Variants in TBC1D22B observed in about 807,000 individuals in gnomAD.
TBC1D22B encodes the protein chromosome 6 open reading frame 197.
In TBC1D22B, 32 loss-of-function variants were observed where a neutral mutation model predicts 69.1. The observed-to-expected ratio is 0.46, with a 90% confidence interval of 0.35 to 0.62. The LOEUF (loss-of-function observed/expected upper bound fraction) is 0.62. Among genes scored for constraint, TBC1D22B ranks in the 20% least tolerant of loss-of-function variants. The pLI is 0.00. For synonymous variants in TBC1D22B, 206 were observed against 229.8 expected, an observed-to-expected ratio of 0.90 and a Z score of 0.94; for missense variants, 462 against 630.9, an observed-to-expected ratio of 0.73 and a Z score of 2.87.
At chr6:37,285,967 TG>T (rs987752667) in intron 6 of TBC1D22B, among the ~76,000 whole-genome samples, 1 of 152,252 alleles carries the variant, frequency 6.6e-6, no homozygotes, top group Non-Finnish European at 1.5e-5. Context: ...AGTTCATCTC[TG>T]GTTCCCTATT....
Position 37,313,909 on chromosome 6 carries a change from A to G in TBC1D22B, c.1165+18A>G. 1.2e-6 allele frequency: 2 copies of G among 1,611,750 alleles called. No homozygotes were observed. Among genetic ancestry groups the G allele is most frequent in the Admixed American group, 3.3e-5 (2 of 60,002 alleles). On this transcript the variant is annotated intron_variant, in intron 10 of 12. Transcript: ENST00000373491. ...GATTGATGGTAGGTTCAGAGGGAGAAGAGTTCTCTAGCAATAGCAGAGTTG... is the reference window on the plus strand; with the variant it reads ...GATTGATGGTAGGTTCAGAGGGAGAGGAGTTCTCTAGCAATAGCAGAGTTG...
chr6:37,313,098 T>C, intron 9 of TBC1D22B, 74 bp downstream of exon 9: 1 of 1,201,672 alleles, frequency 8.3e-7, no homozygotes, highest in Non-Finnish European at 1.2e-6. Context: ...GTTTCTTTCT[T>C]GCTCTTCTGT....
chr6:37,313,726 T>C, intron 9 of TBC1D22B, 90 bp from the exon 10 acceptor site: 3 of 1,239,650 alleles, frequency 2.4e-6, no homozygotes, highest in East Asian at 2.3e-5. Context: ...CTTTGGAAAA[T>C]GGCCTGAACT....
chr6:37,323,542 G>A (rs1320963157), intron 12 of TBC1D22B, among the ~76,000 whole-genome samples: 1 of 152,198 alleles, frequency 6.6e-6, no homozygotes, highest in African/African-American at 2.4e-5. Context: ...AAGGGGGTCA[G>A]CTGGAAGAAA....
intron 1 of TBC1D22B, among the ~76,000 whole-genome samples, chr6:37,258,828 C>T (rs575634084): frequency 6.6e-6 from 1 of 152,002 alleles, no homozygotes; most frequent in Non-Finnish European, 1.5e-5. Context: ...GTATTTCAGT[C>T]GTAAATTTAA....
chr6:37,313,581 T>A lies in TBC1D22B; in HGVS notation c.1090-235T>A, dbSNP rs1767992194. Among the ~76,000 whole-genome samples, 14 of 152,190 alleles carry A rather than the reference T, an allele frequency of 9.2e-5. No homozygotes were observed. The South Asian group carries it at 2.9e-3, about 32-fold the overall frequency. On this transcript the variant is annotated intron_variant, in intron 9 of 12. Transcript: ENST00000373491. ...CCTTGACTTCGTCTTTGGAGTAGAC[T>A]GCTCCTTTCTGCTCTGTACCCCAAG...
intron 8 of TBC1D22B, among the ~76,000 whole-genome samples, chr6:37,299,601 C>G (rs1018317066): frequency 6.6e-6 from 1 of 152,228 alleles, no homozygotes; most frequent in African/African-American, 2.4e-5. Flanking sequence ...GGCTCACAAA[C>G]AAGTCACCAG....
chr6:37,257,833 G>C lies in TBC1D22B; in HGVS notation c.-85G>C. The C allele has an allele frequency of 6.7e-7, 1 of 1,495,454 alleles. No homozygotes were observed. The highest frequency in any genetic ancestry group is 9.1e-7 in the Non-Finnish European group (1 of 1,098,746). The allele number at this position is 1,495,454 out of a possible 1,614,324, so 92.6% of individuals were successfully genotyped here. A position where few individuals can be genotyped will look rare whatever the true frequency, so the allele number is the denominator to read the frequency against. Reference sequence around the variant, plus strand: ...TGACCGGCGGCGGGGAAGCGGCCTGGGTTGGCCCTCAGATTGCGGGGTCTG... The same window carrying C: ...TGACCGGCGGCGGGGAAGCGGCCTGCGTTGGCCCTCAGATTGCGGGGTCTG... On this transcript the variant is annotated 5_prime_UTR_variant, in exon 1 of 13. Transcript: ENST00000373491.
intron 8 of TBC1D22B, among the ~76,000 whole-genome samples, chr6:37,294,288 T>C (rs195762): frequency 0.88 from 133,337 of 152,184 alleles, 58,455 homozygotes; most frequent in South Asian, 0.92. Context: ...CTCCTGCCCC[T>C]CCGAGTAGCT....
intron 2 of TBC1D22B, among the ~76,000 whole-genome samples, chr6:37,271,212 C>G (rs1465261553): frequency 6.6e-6 from 1 of 152,106 alleles, no homozygotes; most frequent in Admixed American, 6.5e-5. Context: ...ACTCCGGAGG[C>G]TGAGGCAGGA....
intron 3 of TBC1D22B, among the ~76,000 whole-genome samples, chr6:37,280,703 G>C (rs540969674): frequency 5.5e-4 from 84 of 152,366 alleles, no homozygotes; most frequent in African/African-American, 1.7e-3. Flanking sequence ...TCTCCCTGAG[G>C]AGGTTTTCTC....
At chr6:37,278,680 A>T (rs1490546453) in intron 2 of TBC1D22B, among the ~76,000 whole-genome samples, 3 of 152,184 alleles carry the variant, frequency 2.0e-5, no homozygotes, top group Non-Finnish European at 2.9e-5. Flanking sequence ...CTGTAACCCC[A>T]ACGATTTGGG....
chr6:37,273,737 A>G (rs887475329), intron 2 of TBC1D22B, among the ~76,000 whole-genome samples: 9 of 152,208 alleles, frequency 5.9e-5, no homozygotes, highest in African/African-American at 2.2e-4. Flanking sequence ...GATATTTTAC[A>G]ACATGGGGTC....
chr6:37,316,506 G>A (rs1349217478), intron 10 of TBC1D22B, among the ~76,000 whole-genome samples, 197 bp from the exon 11 acceptor site: 1 of 152,196 alleles, frequency 6.6e-6, no homozygotes, highest in Non-Finnish European at 1.5e-5. Flanking sequence ...TCTGTCTGCT[G>A]GGCTGAGTTA....
At chr6:37,273,294 A>T (rs1224218707) in intron 2 of TBC1D22B, among the ~76,000 whole-genome samples, 1 of 151,866 alleles carries the variant, frequency 6.6e-6, no homozygotes, top group Non-Finnish European at 1.5e-5. Flanking sequence ...TGTAACCACA[A>T]CCATTCTGGT....
intron 7 of TBC1D22B, among the ~76,000 whole-genome samples, chr6:37,289,245 G>A (rs1218690120): frequency 2.6e-5 from 4 of 152,184 alleles, no homozygotes; most frequent in Non-Finnish European, 5.9e-5. Context: ...CACTGAATAC[G>A]GAAAGGCTTG....
intron 1 of TBC1D22B, among the ~76,000 whole-genome samples, chr6:37,268,291 G>A (rs1766368882): frequency 6.6e-6 from 1 of 151,962 alleles, no homozygotes; most frequent in South Asian, 2.1e-4. Context: ...CTGGAGTGCA[G>A]TGGTGTGCTC....
chr6:37,277,446 A>G (rs949567882), intron 2 of TBC1D22B, among the ~76,000 whole-genome samples: 3 of 149,126 alleles, frequency 2.0e-5, no homozygotes, highest in Non-Finnish European at 3.0e-5. Context: ...TGATTTGGGT[A>G]CTTGTCTCCT....
At chr6:37,319,984 TA>T (rs1205151277) in intron 12 of TBC1D22B, among the ~76,000 whole-genome samples, 23 of 152,278 alleles carry the variant, frequency 1.5e-4, no homozygotes, top group South Asian at 6.2e-4. Flanking sequence ...ACAGGTATTG[TA>T]AAAAACCAAA....
Sources: allele counts gnomAD v4.1 joint callset (sites outside exome capture counted in the v4.1 genomes callset), GRCh38; gene constraint gnomAD v4.1.1; transcripts MANE v1.5; gene names NCBI Gene and HGNC (gene_info 2026-07-23, HGNC 2026-07-21).